The following TNFRSF10C variants were observed in gnomAD, a reference collection of about 807,000 sequenced individuals.
The protein encoded by TNFRSF10C is TNF receptor superfamily member 10c.
In TNFRSF10C, 17 loss-of-function variants were observed where a neutral mutation model predicts 16.7. The ratio of observed to expected loss-of-function variants is 1.02; its 90% CI spans 0.70 to 1.53. TNFRSF10C has a LOEUF of 1.53. TNFRSF10C is among the 40% of genes most tolerant of loss of function. TNFRSF10C has a pLI of 0.00. For missense variants in TNFRSF10C, 237 were observed against 329.7 expected (o/e 0.72, Z 2.18); for synonymous variants, 73 against 119.7 (o/e 0.61, Z 2.55).
intron 1 of TNFRSF10C, among the ~76,000 whole-genome samples, chr8:23,110,633 C>A (rs775174861): frequency 5.3e-5 from 8 of 152,120 alleles, no homozygotes; most frequent in Non-Finnish European, 8.8e-5. Flanking sequence ...GGCCAGAATC[C>A]CTGAATTGCT....
At chr8:23,114,545 T>C in intron 2 of TNFRSF10C, 112 bp from the exon 3 acceptor site, 1 of 790,970 alleles carries the variant, frequency 1.3e-6, no homozygotes, top group South Asian at 1.6e-5. Flanking sequence ...CCTGGAAGAG[T>C]GGATTTCTCT....
chr8:23,114,766 A>G lies in TNFRSF10C; in HGVS notation c.276A>G (p.Lys92=). The G allele has an allele frequency of 6.2e-7, 1 of 1,613,382 alleles. No homozygotes were observed. The highest frequency in any genetic ancestry group is 8.5e-7 in the Non-Finnish European group (1 of 1,179,316). ...CTTGCTTCCCATGTACAGTTTGTAA[A>G]TCAGGTACAGAATGTGTGGACCTCT... ...EPSCFPCTVC[K]SDQKHKSSCT... Residue 92 remains lysine (K), a synonymous_variant, in exon 3 of 5, where the codon AAA becomes AAG. Transcript: ENST00000356864.
intron 1 of TNFRSF10C, among the ~76,000 whole-genome samples, chr8:23,106,783 G>A (rs1485708691): frequency 6.6e-6 from 1 of 152,088 alleles, no homozygotes; most frequent in Non-Finnish European, 1.5e-5. Context: ...TCAGGAGATC[G>A]AGACCATCCT....
chr8:23,114,721 C>G lies in TNFRSF10C; in HGVS notation c.231C>G (p.Asn77Lys), dbSNP rs769431508. 6 of 1,614,054 alleles carry G rather than the reference C, an allele frequency of 3.7e-6. No individual in the cohort carries two copies. Among genetic ancestry groups the G allele is most frequent in the Admixed American group, 1.7e-5 (1 of 60,022 alleles). The change falls in exon 3 of 5, where the codon AAC becomes AAG. Residue 77 changes from asparagine (N) to lysine (K), a missense_variant. Around this residue, in one of 2 missense-constraint regions of TNFRSF10C, gnomAD observed 212 missense variants for 196.8 expected, o/e 1.08. Coordinates refer to ENST00000356864, the MANE Select transcript of TNFRSF10C (RefSeq NM_003841.5). ...NPCTEGVDYT[N>K]ASNNEPSCFP... is the part of the protein sequence containing the mutation. ...GCACAGAGGGTGTGGATTACACCAA[C>G]GCTTCCAACAATGAACCTTCTTGCT...
intron 1 of TNFRSF10C, chr8:23,103,452 T>G: frequency 1.7e-6 from 1 of 605,370 alleles, no homozygotes; most frequent in Non-Finnish European, 2.9e-6. Context: ...AGGGAGGGAG[T>G]CAAGGTGGAA....
intron 1 of TNFRSF10C, among the ~76,000 whole-genome samples, chr8:23,110,069 CAAAAAAAAAAAA>C (rs56263402): frequency 2.5e-5 from 1 of 39,642 alleles, no homozygotes; most frequent in African/African-American, 1.3e-4. Context: ...ACCCTGTCTC[CAAAAAAAAAAAA>C]AAAAAAAAAA....
At chr8:23,105,050 C>A (rs574937905) in intron 1 of TNFRSF10C, among the ~76,000 whole-genome samples, 1 of 150,306 alleles carries the variant, frequency 6.7e-6, no homozygotes, top group African/African-American at 2.5e-5. Context: ...CCAATCTGTG[C>A]GCCAGGTCCT....
chr8:23,114,269 A>G (rs1318687847), intron 2 of TNFRSF10C, among the ~76,000 whole-genome samples: 1 of 152,200 alleles, frequency 6.6e-6, no homozygotes, highest in Non-Finnish European at 1.5e-5. Flanking sequence ...CATGTACAGT[A>G]GGTTGGATGT....
intron 1 of TNFRSF10C, among the ~76,000 whole-genome samples, chr8:23,108,180 AAGGAAAGGAAGGAACAG>A (rs1813813863): frequency 2.0e-5 from 3 of 152,090 alleles, no homozygotes; most frequent in Non-Finnish European, 4.4e-5. Context: ...AAGGAACAGG[AAGGAAAGGAAGGAACAG>A]AAAGAAAAGA....
chr8:23,112,835 A>G (rs1813905262), intron 2 of TNFRSF10C, among the ~76,000 whole-genome samples: 1 of 152,208 alleles, frequency 6.6e-6, no homozygotes, highest in South Asian at 2.1e-4. Flanking sequence ...TGTATACCCA[A>G]TAGTGGGATT....
chr8:23,112,687 A>C (rs555662355), intron 2 of TNFRSF10C, among the ~76,000 whole-genome samples: 1 of 152,224 alleles, frequency 6.6e-6, no homozygotes, highest in Non-Finnish European at 1.5e-5. Context: ...CATTGTATCT[A>C]TGTGTCACAT....
intron 1 of TNFRSF10C, among the ~76,000 whole-genome samples, chr8:23,109,269 G>A (rs964422563): frequency 2.0e-5 from 3 of 152,052 alleles, no homozygotes; most frequent in Non-Finnish European, 4.4e-5. Context: ...CTTTAAATGG[G>A]TGAATTATAT....
chr8:23,115,662 A>G, intron 4 of TNFRSF10C, 46 bp downstream of exon 4: 1 of 1,504,942 alleles, frequency 6.6e-7, no homozygotes, highest in Non-Finnish European at 9.2e-7. Flanking sequence ...GGAACCCGAG[A>G]AGACCTGAGT....
At chr8:23,109,387 C>T (rs1437647961) in intron 1 of TNFRSF10C, among the ~76,000 whole-genome samples, 2 of 151,954 alleles carry the variant, frequency 1.3e-5, no homozygotes, top group Admixed American at 6.6e-5. Context: ...TCTGTAATTC[C>T]AGCACTTTGG....
intron 1 of TNFRSF10C, among the ~76,000 whole-genome samples, chr8:23,103,836 G>T (rs1813717899): frequency 6.6e-6 from 1 of 152,210 alleles, no homozygotes; most frequent in Admixed American, 6.5e-5. Context: ...AGTAGTGTGA[G>T]TGCAAGGACA....
chr8:23,116,262 A>G (rs1813980557), intron 4 of TNFRSF10C, among the ~76,000 whole-genome samples: 1 of 152,220 alleles, frequency 6.6e-6, no homozygotes. Flanking sequence ...ACCAGCAGAC[A>G]GTTGGGGGTG....
chr8:23,115,200 T>G (rs555006898), intron 3 of TNFRSF10C, among the ~76,000 whole-genome samples: 4 of 152,082 alleles, frequency 2.6e-5, no homozygotes, highest in Non-Finnish European at 5.9e-5. Context: ...GGCCTCCGTC[T>G]CCTTGCAGAG....
intron 2 of TNFRSF10C, 28 bp downstream of exon 2, chr8:23,111,853 T>G (rs1317992673): frequency 6.3e-7 from 1 of 1,579,682 alleles, no homozygotes; most frequent in Admixed American, 1.7e-5. Flanking sequence ...AAAATCAGTT[T>G]ATTTTTAATT....
chr8:23,111,392 T>C (rs1813874961), intron 1 of TNFRSF10C, among the ~76,000 whole-genome samples: 1 of 152,094 alleles, frequency 6.6e-6, no homozygotes, highest in Admixed American at 6.6e-5. Flanking sequence ...AATTTTTGTA[T>C]TTTTAGTAGA....
Sources: allele counts gnomAD v4.1 joint callset (sites outside exome capture counted in the v4.1 genomes callset), GRCh38; gene constraint gnomAD v4.1.1; regional missense constraint gnomAD v4.1.1; transcripts MANE v1.5; gene names NCBI Gene and HGNC (gene_info 2026-07-23, HGNC 2026-07-21).